PPP2R2C: variants seen among roughly 807,000 people sequenced by gnomAD.
PPP2R2C encodes the protein protein phosphatase 2, regulatory subunit B, gamma.
In PPP2R2C, 10 loss-of-function variants were observed where a neutral mutation model predicts 45.3. The observed-to-expected ratio is 0.22, with a 90% CI of 0.14 to 0.37. The LOEUF is 0.37. PPP2R2C is among the 10% of genes least tolerant of loss of function. PPP2R2C has a pLI of 1.00. For synonymous variants in PPP2R2C, 257 were observed against 245.4 expected, an observed-to-expected ratio of 1.05 and a Z score of -0.44; for missense variants, 308 against 619.7, an observed-to-expected ratio of 0.50 and a Z score of 5.34.
At chr4:6,381,644 C>G in intron 1 of PPP2R2C, 1 of 1,500,914 alleles carries the variant, frequency 6.7e-7, no homozygotes, top group Non-Finnish European at 8.9e-7. Context: ...AGGCAGGCCT[C>G]TGGGATCGCT....
intron 6 of PPP2R2C, among the ~76,000 whole-genome samples, chr4:6,346,172 C>T (rs1235112931): frequency 2.0e-5 from 3 of 152,210 alleles, no homozygotes; most frequent in Non-Finnish European, 1.5e-5. Flanking sequence ...GCAGACCCTG[C>T]AGCGACCTCT....
intron 2 of PPP2R2C, among the ~76,000 whole-genome samples, chr4:6,534,319 C>G (rs931502045): frequency 6.6e-6 from 1 of 150,664 alleles, no homozygotes; most frequent in Non-Finnish European, 1.5e-5. Flanking sequence ...ATACACACAT[C>G]AAAAAACACA....
rs765701187 is a variant in PPP2R2C at position 6,472,152 on chromosome 4, T to A, written c.70+8A>T. ...GGCCGGAGGGGTCTCAGACAACACG[T>A]ACGTTACCTTCAGTCACATAGCTGT... On this transcript the variant is annotated splice_region_variant and intron_variant, in intron 1 of 8. Transcript: ENST00000382599. 2 of 1,613,404 alleles carry A rather than the reference T, an allele frequency of 1.2e-6. No individual in the cohort carries two copies. The highest frequency in any genetic ancestry group is 3.3e-5 in the Admixed American group (2 of 60,016).
Position 6,332,921 on chromosome 4 carries a change from A to T in PPP2R2C, c.960+641T>A, listed in dbSNP as rs942321783. 7.2e-5 allele frequency among the ~76,000 whole-genome samples: 11 copies of T among 152,138 alleles called. No individual in the cohort carries two copies. The highest frequency in any genetic ancestry group is 2.7e-4 in the African/African-American group (11 of 41,440). ...GAAGCCTCCCTGATCTCCCCACCTA[A>T]CTGGAACCAGCTTTGAAGCCATCCC... On this transcript the variant is annotated intron_variant, in intron 7 of 8. Coordinates refer to ENST00000382599, the MANE Select transcript of PPP2R2C (RefSeq NM_020416.4). The surrounding 1 kb of genome is among the most constrained non-coding windows in gnomAD (Gnocchi z 4.9).
intron 1 of PPP2R2C, among the ~76,000 whole-genome samples, chr4:6,397,443 T>A (rs1310140428): frequency 6.7e-6 from 1 of 149,280 alleles, no homozygotes; most frequent in Non-Finnish European, 1.5e-5. Context: ...CCGGCCAAGG[T>A]GCAGGGTGAG....
chr4:6,513,765 C>A (rs962855672), intron 2 of PPP2R2C, among the ~76,000 whole-genome samples: 1 of 152,196 alleles, frequency 6.6e-6, no homozygotes, highest in Non-Finnish European at 1.5e-5. Flanking sequence ...TGGGCCACAC[C>A]CCAGAAGGGG....
intron 1 of PPP2R2C, among the ~76,000 whole-genome samples, chr4:6,551,075 G>A (rs1276854648): frequency 2.0e-5 from 3 of 152,194 alleles, no homozygotes; most frequent in Admixed American, 6.5e-5. Context: ...TAGGTTGCCC[G>A]AGCTCAAAGC....
At chr4:6,462,045 C>G (rs970356705) in intron 1 of PPP2R2C, among the ~76,000 whole-genome samples, 12 of 152,242 alleles carry the variant, frequency 7.9e-5, no homozygotes, top group African/African-American at 2.9e-4. Flanking sequence ...GGCTGGACAA[C>G]TTGCCCAAGA....
intron 1 of PPP2R2C, among the ~76,000 whole-genome samples, chr4:6,414,485 C>G (rs1458606034): frequency 6.6e-6 from 1 of 152,080 alleles, no homozygotes; most frequent in Non-Finnish European, 1.5e-5. Flanking sequence ...AAGCAGCAGT[C>G]TCTTTTAGCC....
At chr4:6,465,174 C>T (rs1721529502) in intron 1 of PPP2R2C, among the ~76,000 whole-genome samples, 1 of 147,166 alleles carries the variant, frequency 6.8e-6, no homozygotes, top group South Asian at 2.3e-4. Context: ...TAATGGTAAA[C>T]CTGTAGGAAA....
intron 1 of PPP2R2C, among the ~76,000 whole-genome samples, chr4:6,543,819 C>T (rs1284149351): frequency 6.6e-6 from 1 of 152,216 alleles, no homozygotes; most frequent in East Asian, 1.9e-4. Context: ...GAGCAAGAAA[C>T]CCACACCTAA....
At chr4:6,482,000 A>AAAAAAGT (rs1330639008) in intron 2 of PPP2R2C, among the ~76,000 whole-genome samples, 116 of 151,150 alleles carry the variant, frequency 7.7e-4, no homozygotes, top group Non-Finnish European at 1.4e-3. Flanking sequence ...AAAAAAAAAA[A>AAAAAAGT]AAAAGTAAAA....
chr4:6,342,086 AC>A (rs1733492393), intron 6 of PPP2R2C, among the ~76,000 whole-genome samples: 1 of 4,946 alleles, frequency 2.0e-4, no homozygotes, highest in Non-Finnish European at 4.8e-4. Context: ...CACGATACAC[AC>A]ACACACACAC....
chr4:6,468,686 G>A (rs1055593920), intron 1 of PPP2R2C, among the ~76,000 whole-genome samples: 1 of 152,102 alleles, frequency 6.6e-6, no homozygotes, highest in Non-Finnish European at 1.5e-5. Context: ...CTGCTGCCCA[G>A]GGCAGGATGT....
At chr4:6,426,635 G>T (rs1237324841) in intron 1 of PPP2R2C, among the ~76,000 whole-genome samples, 4 of 152,218 alleles carry the variant, frequency 2.6e-5, no homozygotes, top group Non-Finnish European at 5.9e-5. Flanking sequence ...ACCCCCTGCA[G>T]TGTTCAGAAA....
At chr4:6,401,809 C>T (rs1447957544) in intron 1 of PPP2R2C, among the ~76,000 whole-genome samples, 1 of 152,168 alleles carries the variant, frequency 6.6e-6, no homozygotes, top group African/African-American at 2.4e-5. Context: ...TCCTGTCGCT[C>T]AAAGGGCAGA....
intron 2 of PPP2R2C, among the ~76,000 whole-genome samples, chr4:6,527,424 G>A (rs1169482442): frequency 6.8e-6 from 1 of 147,274 alleles, no homozygotes; most frequent in Non-Finnish European, 1.5e-5. Flanking sequence ...TCTTTCTCCT[G>A]GTGCCCCAGA....
chr4:6,471,273 C>T lies in PPP2R2C; in HGVS notation c.70+887G>A, dbSNP rs80284658. Among the ~76,000 whole-genome samples, 6,703 of 152,272 alleles carry T rather than the reference C, an allele frequency of 0.044. 464 individuals are homozygous for T. The highest frequency in any genetic ancestry group is 0.34 in the East Asian group (1,753 of 5,124). ...GGCTCCAGCACAGGCGGCCCCGAGCCCAGACCTCCCGGTCCCCATCCTCCA... is the reference window on the plus strand; with the variant it reads ...GGCTCCAGCACAGGCGGCCCCGAGCTCAGACCTCCCGGTCCCCATCCTCCA... On this transcript the variant is annotated intron_variant, in intron 1 of 8. Coordinates refer to ENST00000382599, the MANE Select transcript of PPP2R2C (RefSeq NM_020416.4). The surrounding 1 kb of genome is among the most constrained non-coding windows in gnomAD (Gnocchi z 5.6).
chr4:6,377,552 G>A (rs1006183856), intron 3 of PPP2R2C, among the ~76,000 whole-genome samples: 12 of 152,138 alleles, frequency 7.9e-5, no homozygotes, highest in Admixed American at 3.3e-4. Context: ...CCAGCTACTC[G>A]GGAGGCTGAG....
Sources: allele counts gnomAD v4.1 joint callset (sites outside exome capture counted in the v4.1 genomes callset), GRCh38; gene constraint gnomAD v4.1.1; non-coding constraint Gnocchi (gnomAD v3.1); transcripts MANE v1.5; gene names NCBI Gene and HGNC (gene_info 2026-07-23, HGNC 2026-07-21).